CDH11: variants seen among roughly 807,000 people sequenced by gnomAD.
CDH11 encodes cadherin-11.
In CDH11, 11 loss-of-function variants were observed where a neutral mutation model predicts 67.8. That is an observed-to-expected ratio of 0.16 (90% CI 0.10 to 0.27). The LOEUF is 0.27. CDH11 is among the 10% of genes least tolerant of loss of function. CDH11 has a pLI of 1.00. For missense variants in CDH11, 847 were observed against 1,031.2 expected (o/e 0.82, Z 2.45); for synonymous variants, 419 against 400.0 (o/e 1.05, Z -0.57).
intron 1 of CDH11, among the ~76,000 whole-genome samples, chr16:65,115,862 G>C (rs2075237725): frequency 6.6e-6 from 1 of 152,032 alleles, no homozygotes; most frequent in Non-Finnish European, 1.5e-5. Flanking sequence ...ATTGCTTGAG[G>C]CCAGGAGTTT....
At chr16:64,971,319 T>C (rs1386318930) in intron 11 of CDH11, among the ~76,000 whole-genome samples, 1 of 152,232 alleles carries the variant, frequency 6.6e-6, no homozygotes, top group East Asian at 1.9e-4. Context: ...GTTTGCATAT[T>C]GACCCTGTAA....
intron 8 of CDH11, among the ~76,000 whole-genome samples, chr16:64,974,270 G>C (rs2072100231): frequency 6.6e-6 from 1 of 152,124 alleles, no homozygotes; most frequent in South Asian, 2.1e-4. Context: ...AATTCAGGTA[G>C]TACGCTGAGC....
rs546468432 is a variant in CDH11 at position 65,068,761 on chromosome 16, C to T, written c.-297-14833G>A. Among the ~76,000 whole-genome samples, 19 of 152,264 alleles carry T rather than the reference C, an allele frequency of 1.2e-4. No individual in the cohort carries two copies. In the South Asian group the frequency reaches 2.7e-3, roughly 22 times the overall value. On this transcript the variant is annotated intron_variant, in intron 1 of 12. Coordinates refer to ENST00000268603, the MANE Select transcript of CDH11 (RefSeq NM_001797.4). ...ACCAGGTTAGCACTTCTAAGCCATT[C>T]GCTTTAATTTCTTATTGATGTTCTT... is the stretch of plus-strand genomic sequence containing the variant.
chr16:65,024,346 T>A (rs961701346), intron 2 of CDH11, among the ~76,000 whole-genome samples: 1 of 152,180 alleles, frequency 6.6e-6, no homozygotes, highest in African/African-American at 2.4e-5. Context: ...CAAACTCAGC[T>A]GCACATTAGA....
chr16:64,967,894 T>C (rs1216660185), intron 11 of CDH11, among the ~76,000 whole-genome samples: 4 of 152,202 alleles, frequency 2.6e-5, no homozygotes. Flanking sequence ...TTTACTACAA[T>C]TATTATGGCT....
chr16:64,966,207 CA>C (rs1205004078), intron 11 of CDH11, among the ~76,000 whole-genome samples: 6 of 152,078 alleles, frequency 3.9e-5, no homozygotes, highest in Middle Eastern at 3.4e-3. Flanking sequence ...AAGAAAACTA[CA>C]ATGACTTCCT....
At chr16:64,960,024 C>T (rs1472099175) in intron 11 of CDH11, among the ~76,000 whole-genome samples, 1 of 152,200 alleles carries the variant, frequency 6.6e-6, no homozygotes, top group Non-Finnish European at 1.5e-5. Flanking sequence ...GCAAACTCAA[C>T]TCTGAATGTT....
chr16:65,111,511 T>C (rs1192348464), intron 1 of CDH11, among the ~76,000 whole-genome samples: 3 of 151,940 alleles, frequency 2.0e-5, no homozygotes, highest in Non-Finnish European at 4.4e-5. Flanking sequence ...AATAAACAAA[T>C]AAACTGTGGA....
chr16:65,087,733 C>T (rs897370365), intron 1 of CDH11, among the ~76,000 whole-genome samples: 3 of 151,980 alleles, frequency 2.0e-5, no homozygotes, highest in Non-Finnish European at 4.4e-5. Flanking sequence ...GTCCTCTTGA[C>T]CAGGTAAGGG....
At chr16:64,997,332 T>TAAATAAAC (rs1228675243) in intron 4 of CDH11, among the ~76,000 whole-genome samples, 1 of 121,356 alleles carries the variant, frequency 8.2e-6, no homozygotes, top group Non-Finnish European at 1.7e-5. Flanking sequence ...AATAAATAAA[T>TAAATAAAC]AAATAAACAA....
chr16:65,022,024 C>A (rs1438973024), intron 2 of CDH11, among the ~76,000 whole-genome samples: 1 of 152,044 alleles, frequency 6.6e-6, no homozygotes, highest in Admixed American at 6.6e-5. Context: ...TGCAGGCCTC[C>A]ATCAAGTAAG....
Position 65,067,596 on chromosome 16 carries a change from C to CTCAT in CDH11, c.-297-13672_-297-13669dup, listed in dbSNP as rs201659328. ...TCATTCTTTTTACTTTGAAATGGAG[C>CTCAT]TCATTCATTGTTTTTACTTTTTAAA... On this transcript the variant is annotated intron_variant, in intron 1 of 12. Transcript: ENST00000268603. Among the ~76,000 whole-genome samples the CTCAT allele has an allele frequency of 3.5e-3, 534 of 152,132 alleles. 3 individuals carry two copies. The highest frequency in any genetic ancestry group is 0.012 in the African/African-American group (499 of 41,468).
intron 2 of CDH11, among the ~76,000 whole-genome samples, chr16:65,019,302 G>A (rs257489): frequency 0.018 from 2,710 of 152,222 alleles, 35 homozygotes; most frequent in Admixed American, 0.028. Context: ...ACTCCAGGTT[G>A]CCATAAATCA....
At chr16:65,076,360 A>G (rs972461661) in intron 1 of CDH11, among the ~76,000 whole-genome samples, 3 of 152,116 alleles carry the variant, frequency 2.0e-5, no homozygotes, top group Non-Finnish European at 2.9e-5. Flanking sequence ...ACAAAAACAA[A>G]AACAAAAACA....
At chr16:65,075,116 G>A (rs1439913399) in intron 1 of CDH11, among the ~76,000 whole-genome samples, 1 of 152,180 alleles carries the variant, frequency 6.6e-6, no homozygotes, top group Non-Finnish European at 1.5e-5. Context: ...CTGCTCATCA[G>A]TCCACCATTT....
At chr16:65,083,577 A>G (rs1182292236) in intron 1 of CDH11, among the ~76,000 whole-genome samples, 1 of 152,262 alleles carries the variant, frequency 6.6e-6, no homozygotes, top group African/African-American at 2.4e-5. Context: ...GGCCTTTCCC[A>G]TTCTAGCCAT....
At chr16:65,062,427 C>T (rs1413679295) in intron 1 of CDH11, among the ~76,000 whole-genome samples, 1 of 152,070 alleles carries the variant, frequency 6.6e-6, no homozygotes, top group Non-Finnish European at 1.5e-5. Context: ...ATAGTCACAG[C>T]CTCCCGCTAT....
At chr16:65,092,027 G>A (rs532846394) in intron 1 of CDH11, among the ~76,000 whole-genome samples, 4 of 151,940 alleles carry the variant, frequency 2.6e-5, no homozygotes, top group Admixed American at 6.5e-5. Context: ...TTTATTACAC[G>A]ACTCTGTTCA....
At chr16:65,094,442 TACAC>T (rs749399832) in intron 1 of CDH11, among the ~76,000 whole-genome samples, 3 of 148,300 alleles carry the variant, frequency 2.0e-5, no homozygotes, top group Admixed American at 6.7e-5. Context: ...CACACACACA[TACAC>T]ACACACACAC....
Sources: allele counts gnomAD v4.1 joint callset (sites outside exome capture counted in the v4.1 genomes callset), GRCh38; gene constraint gnomAD v4.1.1; transcripts MANE v1.5; gene names NCBI Gene and HGNC (gene_info 2026-07-23, HGNC 2026-07-21).